GNA13: variants seen among roughly 807,000 people sequenced by gnomAD.
GNA13 encodes guanine nucleotide-binding protein subunit alpha-13.
GNA13 carries 4 observed loss-of-function variants against 33.5 expected under a neutral mutation model. That is an observed-to-expected ratio of 0.12 (90% CI 0.06 to 0.27). GNA13 has a LOEUF of 0.27. Among genes scored for constraint, GNA13 ranks in the 10% least tolerant of loss-of-function variants. The probability of loss-of-function intolerance (pLI) is 1.00; values close to 1 mark genes in which losing one functional copy is unlikely to be tolerated. For missense variants in GNA13, 319 were observed against 487.2 expected (o/e 0.65, Z 3.25); for synonymous variants, 176 against 183.8 (o/e 0.96, Z 0.34).
chr17:65,033,910 G>A (rs1907146308), intron 2 of GNA13, among the ~76,000 whole-genome samples: 1 of 148,680 alleles, frequency 6.7e-6, no homozygotes, highest in Non-Finnish European at 1.5e-5. Flanking sequence ...CTACTCGAGA[G>A]GCTGAGGCAG....
At chr17:65,016,505 T>G (rs977957627) in intron 3 of GNA13, among the ~76,000 whole-genome samples, 1 of 152,084 alleles carries the variant, frequency 6.6e-6, no homozygotes, top group Non-Finnish European at 1.5e-5. Context: ...GGATTACAGG[T>G]GTGCACCACC....
rs146260688 is a variant in GNA13, at chr17:65,025,117, C to T, written c.511-6814G>A. On this transcript the variant is annotated intron_variant, in intron 2 of 3. Coordinates refer to ENST00000439174, the MANE Select transcript of GNA13 (RefSeq NM_006572.6). The stretch of plus-strand genomic sequence containing the variant: ...TTCACTATGTTGCCCAGGGTGGTCT[C>T]GAACTCCTGGACTCAAGCAACCCAC... Among the ~76,000 whole-genome samples, 161 of 152,102 alleles carry T rather than the reference C, an allele frequency of 1.1e-3. 1 individual carries two copies. The highest frequency in any genetic ancestry group is 3.3e-3 in the African/African-American group (136 of 41,470).
Position 65,011,995 on chromosome 17 carries a change from T to A in GNA13, c.*2262A>T, listed in dbSNP as rs935500851. 2 of 227,638 alleles carry A rather than the reference T, an allele frequency of 8.8e-6. No homozygotes were observed. 14.1% of individuals were successfully genotyped at this position (227,638 alleles called of 1,614,324 possible). Reference sequence around the variant, plus strand: ...AATGTCAAAACAAGCCTAAGTTGAATATAAGTAATTCATTGCCTCAAAATA... The same window carrying A: ...AATGTCAAAACAAGCCTAAGTTGAAAATAAGTAATTCATTGCCTCAAAATA... On this transcript the variant is annotated 3_prime_UTR_variant, in exon 4 of 4. Transcript: ENST00000439174.
chr17:65,048,003 A>G (rs1907726893), intron 2 of GNA13, among the ~76,000 whole-genome samples: 1 of 152,212 alleles, frequency 6.6e-6, no homozygotes, highest in African/African-American at 2.4e-5. Context: ...CCTCAAGCAC[A>G]AAAAGAAAAG....
intron 2 of GNA13, among the ~76,000 whole-genome samples, chr17:65,047,077 A>G (rs763046506): frequency 1.3e-5 from 2 of 152,242 alleles, no homozygotes; most frequent in African/African-American, 2.4e-5. Flanking sequence ...AACTGACGGA[A>G]ATTTTAAAAA....
At chr17:65,038,941 T>C (rs1198503249) in intron 2 of GNA13, among the ~76,000 whole-genome samples, 1 of 152,150 alleles carries the variant, frequency 6.6e-6, no homozygotes, top group Non-Finnish European at 1.5e-5. Context: ...TGAAGTACAG[T>C]TTCTACTAAA....
chr17:65,014,039 A>C lies in GNA13; in HGVS notation c.*218T>G. The C allele has an allele frequency of 3.9e-6, 2 of 518,878 alleles. No individual in the cohort carries two copies. Among genetic ancestry groups the C allele is most frequent in the African/African-American group, 1.9e-5 (1 of 52,886 alleles). The allele number at this position is 518,878 out of a possible 1,614,324, so 32.1% of individuals were successfully genotyped here. ...ACTTGAATAGAAGCCATGGTGAAAC[A>C]GATCAAAGCCTGCATTACAGCAAAT... On this transcript the variant is annotated 3_prime_UTR_variant, in exon 4 of 4. Transcript: ENST00000439174. The surrounding 1 kb of genome is among the most constrained non-coding windows in gnomAD (Gnocchi z 5.3).
chr17:65,016,039 C>A (rs1906357193), intron 3 of GNA13, among the ~76,000 whole-genome samples: 1 of 152,130 alleles, frequency 6.6e-6, no homozygotes, highest in Non-Finnish European at 1.5e-5. Flanking sequence ...AACTCTAAGA[C>A]CCTGAACAAA....
intron 1 of GNA13, among the ~76,000 whole-genome samples, chr17:65,054,909 A>C (rs1235619658): frequency 6.6e-6 from 1 of 152,196 alleles, no homozygotes; most frequent in Non-Finnish European, 1.5e-5. Context: ...ACAGCAGGAT[A>C]AATACAACTG....
intron 2 of GNA13, among the ~76,000 whole-genome samples, chr17:65,050,023 G>A (rs1907805470): frequency 6.6e-6 from 1 of 152,172 alleles, no homozygotes; most frequent in African/African-American, 2.4e-5. Context: ...ATGTCCAGTG[G>A]CCTAATGAAA....
chr17:65,055,982 A>C (rs571908415), intron 1 of GNA13, among the ~76,000 whole-genome samples: 1 of 152,154 alleles, frequency 6.6e-6, no homozygotes, highest in South Asian at 2.1e-4. Flanking sequence ...AGGTCTGCCC[A>C]CACCCCGAGG....
intron 2 of GNA13, among the ~76,000 whole-genome samples, chr17:65,026,745 T>G (rs972325476): frequency 6.6e-6 from 1 of 152,202 alleles, no homozygotes; most frequent in African/African-American, 2.4e-5. Context: ...GACATATACA[T>G]GAACCTTTTC....
At chr17:65,031,896 A>AGAGAGAG (rs1907040820) in intron 2 of GNA13, among the ~76,000 whole-genome samples, 27 of 71,414 alleles carry the variant, frequency 3.8e-4, no homozygotes, top group East Asian at 9.6e-4. Context: ...GAGAGAGAGA[A>AGAGAGAG]AGAGAGAGAG....
chr17:65,050,882 C>G (rs1400296741), intron 2 of GNA13, among the ~76,000 whole-genome samples: 1 of 152,176 alleles, frequency 6.6e-6, no homozygotes, highest in African/African-American at 2.4e-5. Context: ...TGGAACTTAT[C>G]TCTCCTCATC....
At chr17:65,038,101 G>A (rs1298655985) in intron 2 of GNA13, among the ~76,000 whole-genome samples, 2 of 151,998 alleles carry the variant, frequency 1.3e-5, no homozygotes, top group Admixed American at 6.6e-5. Flanking sequence ...TGAAAATATC[G>A]TTAAGTCAAA....
Position 65,015,592 on chromosome 17 carries a change from G to A in GNA13, c.562-763C>T, listed in dbSNP as rs370148106. 1.3e-3 allele frequency among the ~76,000 whole-genome samples: 201 copies of A among 150,960 alleles called. 1 individual carries two copies. Among genetic ancestry groups the A allele is most frequent in the African/African-American group, 4.6e-3 (189 of 41,044 alleles). ...GCAGGAGAGTGGTGTGAACCCAGGA[G>A]GTGGAGCTTGCAGTGAGCTGAGATC... On this transcript the variant is annotated intron_variant, in intron 3 of 3. Transcript: ENST00000439174.
chr17:65,024,230 C>T (rs1174461556), intron 2 of GNA13, among the ~76,000 whole-genome samples: 2 of 151,960 alleles, frequency 1.3e-5, no homozygotes, highest in African/African-American at 2.4e-5. Flanking sequence ...CCAGCCTGGG[C>T]GACAGAGCAA....
intron 2 of GNA13, chr17:65,053,217 TGA>T (rs1907917926): frequency 2.8e-6 from 1 of 362,992 alleles, no homozygotes; most frequent in African/African-American, 2.1e-5. Context: ...TGCATACATA[TGA>T]GATATGCTGG....
chr17:65,031,464 T>A (rs544462013), intron 2 of GNA13, among the ~76,000 whole-genome samples: 1 of 152,330 alleles, frequency 6.6e-6, no homozygotes, highest in Non-Finnish European at 1.5e-5. Flanking sequence ...CATGCATATA[T>A]AAGTCCTTTG....
Sources: allele counts gnomAD v4.1 joint callset (sites outside exome capture counted in the v4.1 genomes callset), GRCh38; gene constraint gnomAD v4.1.1; non-coding constraint Gnocchi (gnomAD v3.1); transcripts MANE v1.5; gene names NCBI Gene and HGNC (gene_info 2026-07-23, HGNC 2026-07-21).